Variants in NDUFA12 observed in about 807,000 individuals in gnomAD.
The protein encoded by NDUFA12 is NADH dehydrogenase [ubiquinone] 1 alpha subcomplex subunit 12.
A neutral mutation model predicts 20.3 loss-of-function variants in NDUFA12; 17 were observed. The observed-to-expected ratio is 0.84, with a 90% CI of 0.57 to 1.26. The LOEUF is 1.26. Ranked by LOEUF, NDUFA12 falls within the 50% of genes most tolerant of loss-of-function variation. The pLI, the probability that NDUFA12 is intolerant of heterozygous loss-of-function variation, is 0.00. For synonymous variants in NDUFA12, 72 were observed against 63.6 expected (o/e 1.13, Z -0.63); for missense variants, 191 against 183.7 (o/e 1.04, Z -0.23).
At chr12:94,991,101 T>C (rs902319176) in intron 3 of NDUFA12, among the ~76,000 whole-genome samples, 1 of 151,784 alleles carries the variant, frequency 6.6e-6, no homozygotes, top group African/African-American at 2.4e-5. Flanking sequence ...CTGGGCAACA[T>C]GGCGAAACCT....
chr12:95,000,389 A>C (rs192229265), intron 2 of NDUFA12, among the ~76,000 whole-genome samples: 92 of 152,340 alleles, frequency 6.0e-4, no homozygotes, highest in African/African-American at 2.2e-3. Context: ...CCAAAATCTC[A>C]GAACTCACCA....
chr12:94,988,649 A>G (rs1874532447), intron 3 of NDUFA12, among the ~76,000 whole-genome samples: 1 of 152,194 alleles, frequency 6.6e-6, no homozygotes, highest in African/African-American at 2.4e-5. Flanking sequence ...AGAAGCAGGA[A>G]GAGAGCTGGC....
intron 3 of NDUFA12, among the ~76,000 whole-genome samples, chr12:94,979,681 C>T (rs1002540999): frequency 6.6e-6 from 1 of 150,430 alleles, no homozygotes; most frequent in Non-Finnish European, 1.5e-5. Context: ...AAAAAAAATA[C>T]AAAAATTAGC....
intron 2 of NDUFA12, 107 bp from the exon 3 acceptor site, chr12:94,994,364 C>T (rs1003851483): frequency 2.4e-6 from 2 of 822,026 alleles, no homozygotes; most frequent in African/African-American, 1.7e-5. Flanking sequence ...TTTTTGTGAT[C>T]TTATATAAGA....
chr12:94,984,019 G>A (rs1302362579), intron 3 of NDUFA12, among the ~76,000 whole-genome samples: 1 of 152,066 alleles, frequency 6.6e-6, no homozygotes, highest in Non-Finnish European at 1.5e-5. Context: ...GGTGCTGGAG[G>A]CAAAATAGGG....
chr12:94,973,248 A>G (rs1873949230), intron 3 of NDUFA12, among the ~76,000 whole-genome samples: 1 of 152,234 alleles, frequency 6.6e-6, no homozygotes, highest in Non-Finnish European at 1.5e-5. Context: ...TCTAAAGATA[A>G]TTGTATCATG....
At chr12:94,972,272 T>G in intron 3 of NDUFA12, 1 of 282,472 alleles carries the variant, frequency 3.5e-6, no homozygotes, top group Admixed American at 4.1e-5. Context: ...TTTTCAGACA[T>G]GCCATGATTT....
chr12:94,984,361 G>T (rs1020295375), intron 3 of NDUFA12, among the ~76,000 whole-genome samples: 1 of 152,064 alleles, frequency 6.6e-6, no homozygotes, highest in Admixed American at 6.6e-5. Context: ...GGTGGCTCAT[G>T]CCTGTAATCC....
chr12:94,999,182 T>A (rs1461951709), intron 2 of NDUFA12, among the ~76,000 whole-genome samples: 3 of 151,998 alleles, frequency 2.0e-5, no homozygotes, highest in African/African-American at 7.2e-5. Flanking sequence ...TAAAGCCAAA[T>A]ACTCACAGCC....
chr12:94,994,158 G>A lies in NDUFA12; in HGVS notation c.257+12C>T. 6.2e-7 allele frequency: 1 copy of A among 1,611,172 alleles called. No homozygotes were observed. Among genetic ancestry groups the A allele is most frequent in the Non-Finnish European group, 8.5e-7 (1 of 1,177,572 alleles). The stretch of plus-strand genomic sequence containing the variant: ...AAAAAAGAAAGACAAATAAAATGTT[G>A]TCTTAGCTTACCATTCAGGAGGCAC... On this transcript the variant is annotated intron_variant, in intron 3 of 3. Transcript: ENST00000327772.
chr12:95,000,969 AAATGTTT>A (rs1875004167), intron 2 of NDUFA12, among the ~76,000 whole-genome samples: 1 of 152,242 alleles, frequency 6.6e-6, no homozygotes, highest in Non-Finnish European at 1.5e-5. Context: ...CTATTCTAAA[AAATGTTT>A]AATTCATCAG....
chr12:94,994,489 G>A (rs2136070006), intron 2 of NDUFA12: 2 of 512,072 alleles, frequency 3.9e-6, no homozygotes, highest in Non-Finnish European at 7.0e-6. Flanking sequence ...ACTGCTGTGG[G>A]TGGGGCTCAG....
At chr12:94,990,626 T>C (rs78903768) in intron 3 of NDUFA12, among the ~76,000 whole-genome samples, 39,934 of 152,044 alleles carry the variant, frequency 0.26, 5,536 homozygotes, top group Non-Finnish European at 0.26. Context: ...AGATGAGGCC[T>C]TGTTATGTTG....
At chr12:94,993,635 A>G (rs1428180183) in intron 3 of NDUFA12, among the ~76,000 whole-genome samples, 1 of 123,888 alleles carries the variant, frequency 8.1e-6, no homozygotes, top group Non-Finnish European at 1.7e-5. Context: ...AAAAAAAAAA[A>G]AAAAAAAAAA....
chr12:94,981,052 G>A (rs774936424), intron 3 of NDUFA12, among the ~76,000 whole-genome samples: 5 of 149,280 alleles, frequency 3.3e-5, no homozygotes, highest in African/African-American at 7.4e-5. Flanking sequence ...GATAACTTCA[G>A]AATAAAACTG....
chr12:94,995,932 G>A (rs944891214), intron 2 of NDUFA12, among the ~76,000 whole-genome samples: 3 of 151,646 alleles, frequency 2.0e-5, no homozygotes, highest in Non-Finnish European at 2.9e-5. Context: ...CAACTGGCTG[G>A]GCACGGTGGC....
intron 3 of NDUFA12, among the ~76,000 whole-genome samples, chr12:94,972,800 C>G (rs760992129): frequency 1.3e-5 from 2 of 152,080 alleles, no homozygotes; most frequent in Non-Finnish European, 2.9e-5. Context: ...AAGCTGGATA[C>G]CTGGAGTTGA....
chr12:95,002,210 G>C (rs568688690), intron 2 of NDUFA12, among the ~76,000 whole-genome samples: 4 of 151,092 alleles, frequency 2.6e-5, no homozygotes, highest in Admixed American at 2.0e-4. Flanking sequence ...GGGGGGCCAA[G>C]GCGGGTGGAT....
intron 2 of NDUFA12, among the ~76,000 whole-genome samples, chr12:94,998,876 C>T (rs116993167): frequency 2.0e-5 from 3 of 152,096 alleles, no homozygotes; most frequent in Non-Finnish European, 4.4e-5. Context: ...CATGGATGCA[C>T]ATAATCAATA....
Sources: gnomAD v4.1 joint callset for allele counts (sites outside exome capture counted in the v4.1 genomes callset) on GRCh38, gnomAD v4.1.1 for gene constraint, MANE v1.5 for transcripts, NCBI Gene and HGNC (gene_info 2026-07-23, HGNC 2026-07-21) for gene names.